The following ABI2 variants were observed in gnomAD, a reference collection of about 807,000 sequenced individuals.
ABI2 encodes the protein abl interactor 2, also known as abelson interactor 2.
A neutral mutation model predicts 59.2 loss-of-function variants in ABI2; 25 were observed. The observed-to-expected ratio is 0.42, with a 90% confidence interval of 0.31 to 0.59. The LOEUF (loss-of-function observed/expected upper bound fraction) is 0.59, where lower values mean the gene tolerates loss of function less well. Ranked by LOEUF, ABI2 falls within the 20% of genes least tolerant of loss-of-function variation. The probability of loss-of-function intolerance (pLI) is 0.14; values close to 1 mark genes in which losing one functional copy is unlikely to be tolerated. For synonymous variants in ABI2, 213 were observed against 235.5 expected (o/e 0.90, Z 0.87); for missense variants, 545 against 681.8 (o/e 0.80, Z 2.23).
At chr2:203,359,087 G>T (rs930437663) in intron 1 of ABI2, among the ~76,000 whole-genome samples, 2 of 152,124 alleles carry the variant, frequency 1.3e-5, no homozygotes, top group African/African-American at 4.8e-5. Flanking sequence ...AAATCACTGT[G>T]GGCCTAAAAT....
chr2:203,368,283 T>C (rs2094689709), intron 2 of ABI2, among the ~76,000 whole-genome samples: 1 of 152,084 alleles, frequency 6.6e-6, no homozygotes, highest in Non-Finnish European at 1.5e-5. Flanking sequence ...ATGATAAAGG[T>C]TTTGGTCTGC....
intron 1 of ABI2, among the ~76,000 whole-genome samples, chr2:203,331,554 T>A (rs966239079): frequency 2.6e-5 from 4 of 151,864 alleles, no homozygotes; most frequent in Admixed American, 6.6e-5. Flanking sequence ...AGACGGGATT[T>A]CCCCATTTTG....
chr2:203,423,025 T>C (rs1255328274), intron 11 of ABI2, among the ~76,000 whole-genome samples: 1 of 152,214 alleles, frequency 6.6e-6, no homozygotes, highest in Non-Finnish European at 1.5e-5. Context: ...CTTACTAGCA[T>C]TTTGATTTTT....
At chr2:203,328,796 CGGCT>C in intron 1 of ABI2, 165 bp downstream of exon 1, 1 of 414,230 alleles carries the variant, frequency 2.4e-6, no homozygotes, top group Non-Finnish European at 4.3e-6. Flanking sequence ...GGGAATTCTC[CGGCT>C]GGAGAAACTG....
At chr2:203,391,710 A>G (rs1339290278) in intron 5 of ABI2, among the ~76,000 whole-genome samples, 3 of 151,916 alleles carry the variant, frequency 2.0e-5, no homozygotes, top group South Asian at 4.2e-4. Context: ...AGTCCCAGCT[A>G]CTTGCGAGGC....
intron 1 of ABI2, among the ~76,000 whole-genome samples, chr2:203,335,098 TC>T (rs1215220576): frequency 1.3e-4 from 20 of 152,150 alleles, no homozygotes; most frequent in Non-Finnish European, 2.4e-4. Context: ...GATACGAAGC[TC>T]CTAGAAGATG....
intron 1 of ABI2, among the ~76,000 whole-genome samples, chr2:203,339,529 C>T (rs1177668235): frequency 6.1e-5 from 9 of 146,672 alleles, no homozygotes; most frequent in African/African-American, 1.0e-4. Flanking sequence ...TGCAGTGAGC[C>T]GAGATTGCGC....
chr2:203,357,564 T>C (rs1412326220), intron 1 of ABI2, among the ~76,000 whole-genome samples: 1 of 152,230 alleles, frequency 6.6e-6, no homozygotes, highest in Non-Finnish European at 1.5e-5. Flanking sequence ...TAGGTGAATA[T>C]CAAGTTAACC....
intron 1 of ABI2, among the ~76,000 whole-genome samples, chr2:203,356,821 A>G (rs559777299): frequency 4.1e-5 from 6 of 146,360 alleles, no homozygotes; most frequent in Non-Finnish European, 9.0e-5. Flanking sequence ...AAATGCAGTT[A>G]TTTCTGAAAG....
chr2:203,328,884 C>A (rs573034940), intron 1 of ABI2: 2 of 301,206 alleles, frequency 6.6e-6, no homozygotes, highest in East Asian at 1.1e-4. Context: ...GCCTCCTCGC[C>A]GCTCCCGCCC....
At chr2:203,420,542 T>TG (rs993877564) in intron 11 of ABI2, among the ~76,000 whole-genome samples, 2 of 152,090 alleles carry the variant, frequency 1.3e-5, no homozygotes, top group African/African-American at 4.8e-5. Flanking sequence ...TACAGGCACC[T>TG]GCCAGCACAC....
intron 11 of ABI2, among the ~76,000 whole-genome samples, chr2:203,418,802 TG>T (rs2153559967): frequency 6.6e-6 from 1 of 152,310 alleles, no homozygotes; most frequent in East Asian, 1.9e-4. Context: ...TTTTAGAAGT[TG>T]TCTCCCACAA....
intron 2 of ABI2, among the ~76,000 whole-genome samples, chr2:203,368,841 A>C (rs1404937647): frequency 1.3e-5 from 2 of 151,830 alleles, no homozygotes; most frequent in Non-Finnish European, 2.9e-5. Flanking sequence ...TTAAGAGACA[A>C]AGTCTTGCCC....
At position 203,328,518 on chromosome 2, in the gene ABI2, G is replaced by A. The variant is rs1486774738; in HGVS notation, c.4G>A (p.Ala2Thr). The A allele has an allele frequency of 4.4e-6, 7 of 1,603,954 alleles. No individual in the cohort carries two copies. ...GGAGGAGGAGGAGGATGTGAAGATG[G>A]CGGAGCTGCAGATGCTGCTGGAAGA... MAELQMLLEEEI... is the reference protein window; with the variant it reads MTELQMLLEEEI... The change falls in exon 1 of 12, where the codon GCG (alanine) becomes ACG (threonine). Residue 2 changes from alanine to threonine, a missense_variant. Transcript: ENST00000261018.
chr2:203,333,918 T>G (rs557954328), intron 1 of ABI2, among the ~76,000 whole-genome samples: 1 of 152,066 alleles, frequency 6.6e-6, no homozygotes, highest in South Asian at 2.1e-4. Context: ...AACTGTTCAT[T>G]TATTTTTTCT....
intron 2 of ABI2, among the ~76,000 whole-genome samples, chr2:203,370,228 T>TCTC (rs2095020294): frequency 1.4e-4 from 17 of 117,520 alleles, no homozygotes; most frequent in African/African-American, 5.6e-4. Context: ...CTCTCTCTCT[T>TCTC]TCTGTGTGTA....
At chr2:203,412,174 A>G (rs2097704509) in intron 10 of ABI2, among the ~76,000 whole-genome samples, 1 of 152,194 alleles carries the variant, frequency 6.6e-6, no homozygotes, top group African/African-American at 2.4e-5. Context: ...GGTGGGGTAG[A>G]AATATTTGCA....
At position 203,355,070 on chromosome 2, in the gene ABI2, GAA is replaced by G. The variant is rs2091189479; in HGVS notation, c.118-11806_118-11805del. On this transcript the variant is annotated intron_variant, in intron 1 of 11. Transcript: ENST00000261018. ...AGTCCTGCTTCTCAGCTGCATCTCA[GAA>G]GTTTCCTTTGCTGTCAACCTTGGAT... 4.5e-5 allele frequency: 12 copies of G among 267,686 alleles called. 1 individual carries two copies. Among genetic ancestry groups the G allele is most frequent in the South Asian group, 4.3e-4 (12 of 27,746 alleles). The allele number at this position is 267,686 out of a possible 1,614,324, so 16.6% of individuals were successfully genotyped here.
chr2:203,355,841 A>AAC (rs1553546709), intron 1 of ABI2, among the ~76,000 whole-genome samples: 1 of 151,080 alleles, frequency 6.6e-6, no homozygotes, highest in African/African-American at 2.4e-5. Flanking sequence ...AAAAAAAAAA[A>AAC]AAAAAAAAAA....
Sources: gnomAD v4.1 joint callset for allele counts (sites outside exome capture counted in the v4.1 genomes callset) on GRCh38, gnomAD v4.1.1 for gene constraint, MANE v1.5 for transcripts, NCBI Gene and HGNC (gene_info 2026-07-23, HGNC 2026-07-21) for gene names.